The following PDZD4 variants were observed in gnomAD, a reference collection of about 807,000 sequenced individuals.
PDZD4 encodes PDZ domain containing 4.
A neutral mutation model predicts 38.5 loss-of-function variants in PDZD4; 9 were observed. That is an observed-to-expected ratio of 0.23 (90% CI 0.14 to 0.41). The LOEUF (loss-of-function observed/expected upper bound fraction) is 0.41, where lower values mean the gene tolerates loss of function less well. Ranked by LOEUF, PDZD4 falls within the 10% of genes least tolerant of loss-of-function variation. PDZD4 has a pLI of 1.00. For synonymous variants in PDZD4, 349 were observed against 315.7 expected (o/e 1.11, Z -1.12); for missense variants, 612 against 722.0 (o/e 0.85, Z 1.75).
Position 153,803,851 on chromosome X carries a change from G to A in PDZD4, c.1830C>T (p.Ala610=), listed in dbSNP as rs782743347. The A allele has an allele frequency of 2.5e-5, 30 of 1,190,888 alleles. No individual in the cohort carries two copies. In the African/African-American group the frequency reaches 4.2e-4, roughly 17 times the overall value. ...CCACCCCGCCCACCCGAGGGCCACCGGCCAAGCTCAGGGGGCCGTGGCCCA... is the reference window on the plus strand; with the variant it reads ...CCACCCCGCCCACCCGAGGGCCACCAGCCAAGCTCAGGGGGCCGTGGCCCA... The part of the protein sequence containing the change: ...EELGHGPLSL[A]GGPRVGGVAA... Residue 610 remains alanine (A), a synonymous_variant, in exon 8 of 8, where the codon GCC becomes GCT. Transcript: ENST00000393758.
At chrX:153,818,936 T>G (rs2064390918) in intron 1 of PDZD4, among the ~76,000 whole-genome samples, 1 of 111,919 alleles carries the variant, frequency 8.9e-6, no homozygotes, top group Non-Finnish European at 1.9e-5. Flanking sequence ...GAGGCAGGCA[T>G]GACGCGAAGT....
rs1557075875 is a variant in PDZD4 at position 153,804,154 on chromosome X, G to A, written c.1527C>T (p.Asn509=). 8.6e-7 allele frequency: 1 copy of A among 1,164,806 alleles called. No individual in the cohort carries two copies. Among genetic ancestry groups the A allele is most frequent in the East Asian group, 3.2e-5 (1 of 31,602 alleles). The change falls in exon 8 of 8, where the codon AAC becomes AAT. Residue 509 remains asparagine (N), a synonymous_variant. Transcript: ENST00000393758. The stretch of plus-strand genomic sequence containing the variant: ...CAACAGCGGGGCCGGGAGGGGTCCG[G>A]TTCAAGTTGGAGTTGCCGGCCATGG... ...RRAMAGNSNL[N]RTPPGPAVAT...
At chrX:153,811,771 G>A (rs1603263897) in intron 1 of PDZD4, among the ~76,000 whole-genome samples, 1 of 112,076 alleles carries the variant, frequency 8.9e-6, no homozygotes, top group East Asian at 2.8e-4. Flanking sequence ...GTCAGGACAG[G>A]GCATGCTGTG....
At chrX:153,820,635 A>C (rs2064413847) in intron 1 of PDZD4, among the ~76,000 whole-genome samples, 1 of 111,952 alleles carries the variant, frequency 8.9e-6, no homozygotes, top group African/African-American at 3.3e-5. Context: ...AAAAATATAT[A>C]TATTTTTTAC....
In PDZD4 at chrX:153,804,332, G is replaced by T. The variant is rs782291507; in HGVS notation, c.1349C>A (p.Ala450Glu). ...CTCGTGCTTCTTGGGCTCGCTGGCC[G>T]CCAGGTCGTAGAGGCTCTCCTCCTC... ...LLEEESLYDL[A>E]ASEPKKHELS... The change falls in exon 8 of 8, where the codon GCG (alanine) becomes GAG (glutamate). Residue 450 changes from alanine (A) to glutamate (E), a missense_variant. Transcript: ENST00000393758. The T allele has an allele frequency of 1.3e-5, 16 of 1,206,634 alleles. No homozygotes were observed. Among genetic ancestry groups the T allele is most frequent in the Non-Finnish European group, 1.7e-5 (15 of 894,026 alleles).
At chrX:153,815,669 AGGGGACCT>A (rs1208239832) in intron 1 of PDZD4, among the ~76,000 whole-genome samples, 1 of 110,922 alleles carries the variant, frequency 9.0e-6, no homozygotes, top group Non-Finnish European at 1.9e-5. Context: ...GCGGCCTGGA[AGGGGACCT>A]GGGGAAGGAG....
chrX:153,803,165 G>T lies in PDZD4; in HGVS notation c.*188C>A. 1 of 318,003 alleles carries T rather than the reference G, an allele frequency of 3.1e-6. No homozygotes were observed. Among genetic ancestry groups the T allele is most frequent in the Non-Finnish European group, 5.3e-6 (1 of 186,989 alleles). 26.2% of individuals were successfully genotyped at this position (318,003 alleles called of 1,213,427 possible). On this transcript the variant is annotated 3_prime_UTR_variant, in exon 8 of 8. Coordinates refer to ENST00000393758, the MANE Select transcript of PDZD4 (RefSeq NM_001303512.2). ...TTACTTGGGCAGAAGGAAGAAAAGCGTCCCTTCTCCTCAGGGGCTTCTCTC... is the reference window on the plus strand; with the variant it reads ...TTACTTGGGCAGAAGGAAGAAAAGCTTCCCTTCTCCTCAGGGGCTTCTCTC...
At chrX:153,824,477 C>T (rs909886279) in intron 1 of PDZD4, among the ~76,000 whole-genome samples, 4 of 110,973 alleles carry the variant, frequency 3.6e-5, no homozygotes, top group Admixed American at 2.9e-4. Flanking sequence ...GCTGGTGAGG[C>T]GGGGAGGCAG....
chrX:153,828,909 G>C (rs1229233923), intron 1 of PDZD4, among the ~76,000 whole-genome samples: 1 of 112,011 alleles, frequency 8.9e-6, no homozygotes, highest in Non-Finnish European at 1.9e-5. Context: ...TCCCGCTAGG[G>C]GGCTGGCAAT....
chrX:153,814,780 G>A (rs946320789), intron 1 of PDZD4, among the ~76,000 whole-genome samples: 15 of 110,576 alleles, frequency 1.4e-4, no homozygotes, highest in African/African-American at 4.3e-4. Context: ...CAGTGCTCCC[G>A]TGCCATCCTG....
intron 1 of PDZD4, among the ~76,000 whole-genome samples, chrX:153,821,911 C>T (rs782798573): frequency 2.7e-5 from 3 of 111,518 alleles, no homozygotes; most frequent in East Asian, 2.8e-4. Flanking sequence ...GAAAGGAGGC[C>T]GGGCGCGGTG....
intron 1 of PDZD4, among the ~76,000 whole-genome samples, chrX:153,820,478 C>T (rs1557081028): frequency 9.1e-6 from 1 of 109,648 alleles, no homozygotes; most frequent in African/African-American, 3.3e-5. Context: ...TGAGATCACA[C>T]CATCACACTC....
intron 1 of PDZD4, chrX:153,829,897 G>A: frequency 1.2e-6 from 1 of 809,649 alleles, no homozygotes; most frequent in Non-Finnish European, 1.5e-6. Context: ...CCCCCCGCAC[G>A]GCGGGAGCCT....
At chrX:153,823,685 C>T (rs977759734) in intron 1 of PDZD4, among the ~76,000 whole-genome samples, 5 of 112,384 alleles carry the variant, frequency 4.4e-5, no homozygotes, top group African/African-American at 1.3e-4. Flanking sequence ...CTGAATGGCC[C>T]GAGGGCAGCA....
In PDZD4 at chrX:153,803,285, T is replaced by C; in HGVS notation, c.*68A>G. ...CGCACACACACACACACACAATCTC[T>C]ATAGGAGAGTGAGGGCCGGGGCCCC... On this transcript the variant is annotated 3_prime_UTR_variant, in exon 8 of 8. Coordinates refer to ENST00000393758, the MANE Select transcript of PDZD4 (RefSeq NM_001303512.2). 1.1e-6 allele frequency: 1 copy of C among 924,255 alleles called. No individual in the cohort carries two copies. Among genetic ancestry groups the C allele is most frequent in the Non-Finnish European group, 1.4e-6 (1 of 690,773 alleles). The allele number at this position is 924,255 out of a possible 1,213,427, so 76.2% of individuals were successfully genotyped here.
Position 153,804,039 on chromosome X carries a change from C to T in PDZD4, c.1642G>A (p.Ala548Thr). 1 of 1,159,091 alleles carries T rather than the reference C, an allele frequency of 8.6e-7. No homozygotes were observed. The highest frequency in any genetic ancestry group is 1.9e-5 in the South Asian group (1 of 52,179). Residue 548 changes from alanine (A) to threonine (T), a missense_variant, in exon 8 of 8, where the codon GCG (alanine) becomes ACG (threonine). Transcript: ENST00000393758. ...GGGTTGCGGCGGCCGCGCTCCTCCG[C>T]GTGCTGCCTCCGGCCGGCCTCAGGA... is the stretch of plus-strand genomic sequence containing the variant. ...RDPEAGRRQH[A>T]EERGRRNPKT...
chrX:153,805,598 A>G lies in PDZD4; in HGVS notation c.576T>C (p.Gly192=). ...REGDRIIQIN[G]VDVQNREEAV... ...CCTCTTCCCGGTTCTGGACGTCTAC[A>G]CCGTTAATCTGAGGCAGGCAGGATA... is the stretch of plus-strand genomic sequence containing the variant. The change falls in exon 6 of 8, where the codon GGT becomes GGC. Residue 192 remains glycine, a synonymous_variant. Transcript: ENST00000393758. The G allele has an allele frequency of 3.3e-6, 4 of 1,205,591 alleles. No individual in the cohort carries two copies. The highest frequency in any genetic ancestry group is 4.5e-6 in the Non-Finnish European group (4 of 891,032).
intron 1 of PDZD4, among the ~76,000 whole-genome samples, chrX:153,824,597 C>T (rs1468258141): frequency 9.0e-6 from 1 of 111,351 alleles, no homozygotes; most frequent in Non-Finnish European, 1.9e-5. Flanking sequence ...TGGAGGAAGA[C>T]GTCGCTGAAG....
Position 153,803,230 on chromosome X carries a change from G to GCACACCC in PDZD4, c.*122_*123insGGGTGTG. On this transcript the variant is annotated 3_prime_UTR_variant, in exon 8 of 8. Transcript: ENST00000393758. ...TGTGCGCACACCCAGACGAGGAGAT[G>GCACACCC]TGTGCGTGCGCACAGCGAGCACGCG... The GCACACCC allele has an allele frequency of 2.2e-6, 1 of 444,594 alleles. No individual in the cohort carries two copies. 36.6% of individuals were successfully genotyped at this position (444,594 alleles called of 1,213,427 possible).
Sources: gnomAD v4.1 joint callset for allele counts (sites outside exome capture counted in the v4.1 genomes callset) on GRCh38, gnomAD v4.1.1 for gene constraint, MANE v1.5 for transcripts, NCBI Gene and HGNC (gene_info 2026-07-23, HGNC 2026-07-21) for gene names.